USPL1: variants seen among roughly 807,000 people sequenced by gnomAD.
The protein encoded by USPL1 is SUMO-specific isopeptidase USPL1.
USPL1 carries 27 observed loss-of-function variants against 51.5 expected under a neutral mutation model. The observed-to-expected ratio is 0.52, with a 90% CI of 0.39 to 0.72. USPL1 has a LOEUF of 0.72. Ranked by LOEUF, USPL1 falls within the 30% of genes least tolerant of loss-of-function variation. USPL1 has a pLI of 0.00. For synonymous variants in USPL1, 451 were observed against 459.6 expected, an observed-to-expected ratio of 0.98 and a Z score of 0.24; for missense variants, 1,226 against 1,268.0, an observed-to-expected ratio of 0.97 and a Z score of 0.50.
chr13:30,640,380 C>CA (rs999083098), intron 5 of USPL1, among the ~76,000 whole-genome samples: 1 of 152,052 alleles, frequency 6.6e-6, no homozygotes, highest in Non-Finnish European at 1.5e-5. Context: ...TTTCTACTTA[C>CA]AAAAAAACTT....
chr13:30,647,109 A>G (rs375980699), intron 7 of USPL1, 52 bp downstream of exon 7: 7 of 1,539,270 alleles, frequency 4.5e-6, no homozygotes, highest in African/African-American at 4.1e-5. Context: ...GTGGATTTAC[A>G]TTTTTCTTAA....
chr13:30,626,098 T>C (rs1232603877), intron 3 of USPL1, among the ~76,000 whole-genome samples: 2 of 152,164 alleles, frequency 1.3e-5, no homozygotes. Context: ...GTGGATTCTC[T>C]TGAGGTCAGG....
intron 3 of USPL1, among the ~76,000 whole-genome samples, chr13:30,627,334 GAT>G (rs1490030122): frequency 6.6e-6 from 1 of 151,998 alleles, no homozygotes; most frequent in Non-Finnish European, 1.5e-5. Flanking sequence ...AAAGAAAAAA[GAT>G]AAAAATCTGA....
chr13:30,621,952 T>C, intron 3 of USPL1, 60 bp downstream of exon 3: 1 of 1,185,974 alleles, frequency 8.4e-7, no homozygotes, highest in South Asian at 3.3e-5. Context: ...TGCTTTTTTA[T>C]TAATTGTTTT....
chr13:30,644,454 G>A (rs1326884386), intron 6 of USPL1, among the ~76,000 whole-genome samples: 1 of 151,722 alleles, frequency 6.6e-6, no homozygotes, highest in Non-Finnish European at 1.5e-5. Context: ...ACTAGAACAG[G>A]GTAAGGGAGG....
At chr13:30,654,734 A>T (rs1951137570) in intron 8 of USPL1, among the ~76,000 whole-genome samples, 1 of 152,074 alleles carries the variant, frequency 6.6e-6, no homozygotes, top group Non-Finnish European at 1.5e-5. Context: ...AGCATCTCTG[A>T]GTATATTTTG....
At chr13:30,636,321 G>A (rs1489885650) in intron 4 of USPL1, among the ~76,000 whole-genome samples, 1 of 150,788 alleles carries the variant, frequency 6.6e-6, no homozygotes, top group African/African-American at 2.4e-5. Flanking sequence ...TTAATTATAT[G>A]TTTGAGCTGC....
At chr13:30,622,867 A>T (rs963048565) in intron 3 of USPL1, among the ~76,000 whole-genome samples, 4 of 150,662 alleles carry the variant, frequency 2.7e-5, no homozygotes, top group African/African-American at 9.7e-5. Flanking sequence ...AGGCGTGTCT[A>T]CAAATATAAA....
intron 6 of USPL1, 25 bp from the exon 7 acceptor site, chr13:30,646,906 GA>G (rs1951025033): frequency 6.3e-7 from 1 of 1,593,544 alleles, no homozygotes; most frequent in Non-Finnish European, 8.5e-7. Context: ...TAACGTTAAT[GA>G]ATTTGTTATG....
rs1566061741 is a variant in USPL1 at position 30,657,806 on chromosome 13, A to G, written c.1729A>G (p.Lys577Glu). 3 of 1,614,062 alleles carry G rather than the reference A, an allele frequency of 1.9e-6. No individual in the cohort carries two copies. The highest frequency in any genetic ancestry group is 1.7e-6 in the Non-Finnish European group (2 of 1,180,046). The change falls in exon 9 of 9, where the codon AAA becomes GAA. Residue 577 changes from lysine to glutamate, a missense_variant. Transcript: ENST00000255304. ...THGDHLLSGP[K>E]GLVDNILPLT... ...TGGAGATCATTTACTTTCAGGTCCAAAAGGTTTGGTTGACAATATTTTACC... is the reference window on the plus strand; with the variant it reads ...TGGAGATCATTTACTTTCAGGTCCAGAAGGTTTGGTTGACAATATTTTACC...
At chr13:30,642,491 G>A (rs1008540465) in intron 5 of USPL1, 137 bp from the exon 6 acceptor site, 3 of 997,572 alleles carry the variant, frequency 3.0e-6, no homozygotes, top group Non-Finnish European at 4.2e-6. Context: ...TCCCAACTCT[G>A]AGTGACTTAT....
intron 3 of USPL1, among the ~76,000 whole-genome samples, chr13:30,629,486 C>CT (rs1950770394): frequency 6.6e-6 from 1 of 151,284 alleles, no homozygotes; most frequent in African/African-American, 2.4e-5. Flanking sequence ...GACCCTGTCT[C>CT]AAAAAAAAAT....
chr13:30,620,635 T>G (rs550928317), intron 1 of USPL1, among the ~76,000 whole-genome samples: 1 of 152,346 alleles, frequency 6.6e-6, no homozygotes, highest in East Asian at 1.9e-4. Flanking sequence ...AATAGGAATG[T>G]ATGGAATATA....
chr13:30,650,260 C>A (rs142540871), intron 7 of USPL1, among the ~76,000 whole-genome samples: 1 of 152,270 alleles, frequency 6.6e-6, no homozygotes, highest in South Asian at 2.1e-4. Context: ...GTAAGTTTTA[C>A]CATTTTAAAA....
rs1268918773 is a variant in USPL1 at position 30,621,225 on chromosome 13, G to A, written c.85G>A (p.Gly29Arg). ...DIGISSLHMVGYLGKNFDSAK... is the reference protein window; with the variant it reads ...DIGISSLHMVRYLGKNFDSAK... ...AGGGATATCTTCACTCCACATGGTG[G>A]GGTATTTGGGAAAAGTTAGTGAACT... Residue 29 changes from glycine (G) to arginine (R), a missense_variant, in exon 2 of 9, where the codon GGG becomes AGG. Physicochemically the swap from Gly to Arg is moderately radical, Grantham distance 125. Transcript: ENST00000255304. The A allele has an allele frequency of 6.3e-7, 1 of 1,589,172 alleles. No homozygotes were observed. The highest frequency in any genetic ancestry group is 8.5e-7 in the Non-Finnish European group (1 of 1,171,600).
intron 8 of USPL1, among the ~76,000 whole-genome samples, chr13:30,654,787 T>C (rs549541464): frequency 6.6e-6 from 1 of 152,212 alleles, no homozygotes; most frequent in Non-Finnish European, 1.5e-5. Context: ...ATGTCTGTTA[T>C]GTGACTAATG....
At chr13:30,636,932 TTTG>T (rs763275076) in intron 4 of USPL1, among the ~76,000 whole-genome samples, 55 of 152,274 alleles carry the variant, frequency 3.6e-4, no homozygotes, top group Non-Finnish European at 4.0e-4. Flanking sequence ...AGCCAGATTT[TTTG>T]TTGTTGTTGT....
chr13:30,645,375 T>C (rs2137685061), intron 6 of USPL1, among the ~76,000 whole-genome samples: 1 of 152,360 alleles, frequency 6.6e-6, no homozygotes, highest in Non-Finnish European at 1.5e-5. Flanking sequence ...AGTGACTTCG[T>C]AATTAATCTG....
intron 6 of USPL1, 120 bp downstream of exon 6, chr13:30,642,877 A>C (rs1356941580): frequency 7.4e-6 from 9 of 1,221,338 alleles, no homozygotes; most frequent in Admixed American, 2.4e-5. Flanking sequence ...AAGGGTCAAA[A>C]CCTCATCGTT....
Sources: gnomAD v4.1 joint callset for allele counts (sites outside exome capture counted in the v4.1 genomes callset) on GRCh38, gnomAD v4.1.1 for gene constraint, MANE v1.5 for transcripts, NCBI Gene and HGNC (gene_info 2026-07-23, HGNC 2026-07-21) for gene names.